The following FAT2 variants were observed in gnomAD, a reference collection of about 807,000 sequenced individuals.
FAT2 encodes the protein FAT atypical cadherin 2.
A neutral mutation model predicts 295.3 loss-of-function variants in FAT2; 150 were observed. That is an observed-to-expected ratio of 0.51 (90% CI 0.44 to 0.58). The LOEUF is 0.58. Among genes scored for constraint, FAT2 ranks in the 20% least tolerant of loss-of-function variants. The probability of loss-of-function intolerance (pLI) is 0.00; values close to 1 mark genes in which losing one functional copy is unlikely to be tolerated. For missense variants in FAT2, 4,868 were observed against 5,442.7 expected (o/e 0.89, Z 3.32); for synonymous variants, 2,026 against 2,150.3 (o/e 0.94, Z 1.60).
At chr5:151,547,867 G>A (rs1756799363) in intron 9 of FAT2, among the ~76,000 whole-genome samples, 1 of 152,124 alleles carries the variant, frequency 6.6e-6, no homozygotes, top group Admixed American at 6.5e-5. Context: ...TTCTTTTGGG[G>A]TGATGAAAAT....
Position 151,566,264 on chromosome 5 carries a change from T to C in FAT2, c.2668A>G (p.Ile890Val), listed in dbSNP as rs377700581. ...HLDRESEPRY[I>V]LKVEARDQPS... ...TGATCCCTGGCCTCCACCTTGAGTA[T>C]GTACCGAGGCTCTGATTCGCGGTCC... The change falls in exon 2 of 24, where the codon ATA becomes GTA. Residue 890 changes from isoleucine to valine, a missense_variant. Ile to Val is a conservative substitution (Grantham distance 29). This residue lies in a region of FAT2 where 3,297 missense variants were observed against 3,669.4 expected (regional missense o/e 0.90). Transcript: ENST00000261800. 1 of 1,614,178 alleles carries C rather than the reference T, an allele frequency of 6.2e-7. No individual in the cohort carries two copies. The highest frequency in any genetic ancestry group is 1.7e-5 in the Admixed American group (1 of 60,032).
chr5:151,545,457 C>G lies in FAT2; in HGVS notation c.5670G>C (p.Glu1890Asp). The G allele has an allele frequency of 1.2e-6, 2 of 1,614,180 alleles. No individual in the cohort carries two copies. The highest frequency in any genetic ancestry group is 1.7e-6 in the Non-Finnish European group (2 of 1,180,038). Residue 1890 changes from glutamate (E) to aspartate (D), a missense_variant, in exon 10 of 24, where the codon GAG becomes GAC. By Grantham distance (45) the Glu-to-Asp change is conservative. Transcript: ENST00000261800. ...CATCGCTGGCCCGCACCATGAGAAG[C>G]TCCATGCCTGGATGGATAGGCCCGA... ...AIVGPIHPGM[E>D]LLMVRASDED...
chr5:151,579,276 A>T (rs1036485563), intron 1 of FAT2, among the ~76,000 whole-genome samples: 1 of 152,236 alleles, frequency 6.6e-6, no homozygotes, highest in Admixed American at 6.5e-5. Context: ...ATCACAAAAA[A>T]ATAAGCATGT....
intron 3 of FAT2, among the ~76,000 whole-genome samples, chr5:151,562,001 A>C (rs1360727122): frequency 2.6e-5 from 4 of 152,204 alleles, no homozygotes; most frequent in Admixed American, 6.5e-5. Flanking sequence ...CTGAAGAGGG[A>C]GGGACAGGGA....
rs1455821428 is a variant in FAT2 at position 151,534,741 on chromosome 5, A to C, written c.9194-99T>G. The C allele has an allele frequency of 2.9e-6, 3 of 1,021,890 alleles. No individual in the cohort carries two copies. In the African/African-American group the frequency reaches 4.8e-5, roughly 16 times the overall value. 63.3% of individuals were successfully genotyped at this position (1,021,890 alleles called of 1,614,324 possible). A position where few individuals can be genotyped will look rare whatever the true frequency, so the allele number is the denominator to read the frequency against. ...ACAGGAGACAAACCCAGCCACACAGAGTTTTGTTCACAGCAAGGAGGGGTC... is the reference window on the plus strand; with the variant it reads ...ACAGGAGACAAACCCAGCCACACAGCGTTTTGTTCACAGCAAGGAGGGGTC... On this transcript the variant is annotated intron_variant, in intron 12 of 23. Coordinates refer to ENST00000261800, the MANE Select transcript of FAT2 (RefSeq NM_001447.3).
At chr5:151,574,418 T>A (rs1345790041) in intron 1 of FAT2, among the ~76,000 whole-genome samples, 1 of 152,200 alleles carries the variant, frequency 6.6e-6, no homozygotes, top group East Asian at 1.9e-4. Flanking sequence ...ATTCTGTTTA[T>A]GAAAAACCTT....
At chr5:151,574,583 T>G (rs1023787162) in intron 1 of FAT2, among the ~76,000 whole-genome samples, 5 of 152,218 alleles carry the variant, frequency 3.3e-5, no homozygotes, top group African/African-American at 9.6e-5. Flanking sequence ...TGATGGTTTT[T>G]GAGAAGAAGC....
chr5:151,571,070 G>A (rs912547356), intron 1 of FAT2, among the ~76,000 whole-genome samples: 1 of 152,118 alleles, frequency 6.6e-6, no homozygotes, highest in Non-Finnish European at 1.5e-5. Context: ...GGGCAGGAAG[G>A]TGGCAGATTC....
intron 2 of FAT2, among the ~76,000 whole-genome samples, chr5:151,564,226 A>T (rs1758148927): frequency 6.6e-6 from 1 of 152,228 alleles, no homozygotes; most frequent in South Asian, 2.1e-4. Context: ...CTTACACCTG[A>T]AGTTCTCATG....
upstream of FAT2, among the ~76,000 whole-genome samples, chr5:151,591,843 G>T (rs964206260): frequency 6.6e-6 from 1 of 152,144 alleles, no homozygotes; most frequent in African/African-American, 2.4e-5. Flanking sequence ...TACCTCATAA[G>T]GTTGTTATGA....
rs61743237 is a variant in FAT2, at chr5:151,550,631, C to T, written c.4537G>A (p.Asp1513Asn). 1.9e-3 allele frequency: 2,987 copies of T among 1,614,142 alleles called. 42 individuals are homozygous for T. The African/African-American group carries it at 0.035, about 19-fold the overall frequency. ...SGVLVTVGKL[D>N]LGSGPSQHTL... is the part of the protein sequence containing the mutation. Reference sequence around the variant, plus strand: ...TGCTGGGAGGGCCCCGAGCCGAGGTCCAATTTTCCCACCGTTACCAGGACA... The same window carrying T: ...TGCTGGGAGGGCCCCGAGCCGAGGTTCAATTTTCCCACCGTTACCAGGACA... Residue 1513 changes from aspartate to asparagine, a missense_variant, in exon 8 of 24, where the codon GAC becomes AAC. By Grantham distance (23) the Asp-to-Asn change is conservative. Around this residue, in one of 5 missense-constraint regions of FAT2, gnomAD observed 3,297 missense variants for 3,669.4 expected, o/e 0.90. Transcript: ENST00000261800.
rs1304207132 is a variant in FAT2, at chr5:151,507,338, G to A, written c.12333C>T (p.Cys4111=). Residue 4111 remains cysteine (C), a synonymous_variant, in exon 23 of 24, where the codon TGC becomes TGT. Coordinates refer to ENST00000261800, the MANE Select transcript of FAT2 (RefSeq NM_001447.3). ...IELNPLSASS[C]NNLNQPEPSK... Reference sequence around the variant, plus strand: ...TGGGTTCCGGTTGGTTGAGGTTGTTGCAGGAGCTGGCACTCAATGGGTTGA... The same window carrying A: ...TGGGTTCCGGTTGGTTGAGGTTGTTACAGGAGCTGGCACTCAATGGGTTGA... The A allele has an allele frequency of 1.9e-6, 3 of 1,614,176 alleles. No homozygotes were observed. Among genetic ancestry groups the A allele is most frequent in the Admixed American group, 1.7e-5 (1 of 60,028 alleles).
intron 11 of FAT2, among the ~76,000 whole-genome samples, chr5:151,540,179 G>T (rs1325589242): frequency 6.6e-6 from 1 of 152,242 alleles, no homozygotes; most frequent in Non-Finnish European, 1.5e-5. Context: ...TGTAGGGGGA[G>T]AGATGTGGGC....
At chr5:151,522,503 C>A (rs1157573692) in intron 18 of FAT2, among the ~76,000 whole-genome samples, 2 of 152,198 alleles carry the variant, frequency 1.3e-5, no homozygotes, top group Non-Finnish European at 2.9e-5. Context: ...TACGAAAATT[C>A]CCCTTGGGAT....
Position 151,507,320 on chromosome 5 carries a change from C to T in FAT2, c.12351G>A (p.Pro4117=), listed in dbSNP as rs904759464. The change falls in exon 23 of 24, where the codon CCG becomes CCA. Residue 4117 remains proline (P), a synonymous_variant. Transcript: ENST00000261800. The part of the protein sequence containing the change: ...SASSCNNLNQ[P]EPSKASVPNE... ...TTGGAACAGAGGCCTTGCTGGGTTC[C>T]GGTTGGTTGAGGTTGTTGCAGGAGC... The T allele has an allele frequency of 2.0e-5, 32 of 1,614,046 alleles. No homozygotes were observed. Among genetic ancestry groups the T allele is most frequent in the Non-Finnish European group, 2.3e-5 (27 of 1,180,038 alleles).
In FAT2 at chr5:151,521,887, G is replaced by A. The variant is rs2127580257; in HGVS notation, c.10706C>T (p.Ala3569Val). 3.7e-6 allele frequency: 6 copies of A among 1,614,084 alleles called. No homozygotes were observed. Among genetic ancestry groups the A allele is most frequent in the Non-Finnish European group, 5.1e-6 (6 of 1,179,942 alleles). ...GTGCCTGCCCAGGGTCTCCTCTTCT[G>A]CCAGGCTATAGGTCAGCGTGTCCTG... ...DPQDTLTYSL[A>V]EEETLGRHFS... The change falls in exon 19 of 24, where the codon GCA becomes GTA. Residue 3569 changes from alanine to valine, a missense_variant. Ala to Val is a moderately conservative substitution (Grantham distance 64, BLOSUM62 0). This residue lies in a region of FAT2 where 1,046 missense variants were observed against 1,210.1 expected (regional missense o/e 0.86). Coordinates refer to ENST00000261800, the MANE Select transcript of FAT2 (RefSeq NM_001447.3).
chr5:151,505,960 G>A lies in FAT2; in HGVS notation c.12655C>T (p.Pro4219Ser), dbSNP rs944074256. 1 of 1,574,016 alleles carries A rather than the reference G, an allele frequency of 6.4e-7. No homozygotes were observed. Among genetic ancestry groups the A allele is most frequent in the Admixed American group, 2.0e-5 (1 of 50,380 alleles). The change falls in exon 24 of 24, where the codon CCT becomes TCT. Residue 4219 changes from proline to serine, a missense_variant. Pro to Ser is a moderately conservative substitution (Grantham distance 74). This residue lies in a region of FAT2 where 492 missense variants were observed against 482.6 expected (regional missense o/e 1.02). Coordinates refer to ENST00000261800, the MANE Select transcript of FAT2 (RefSeq NM_001447.3). ...RHSTPVVMPE[P>S]NGLYGGFPFP... ...GGGAAGCCCCCATAGAGGCCATTAG[G>A]CTCTGGCATCACGACTGGGGTTGAG...
At position 151,556,337 on chromosome 5, in the gene FAT2, T is replaced by G; in HGVS notation, c.3633+7A>C. The G allele has an allele frequency of 6.2e-7, 1 of 1,613,092 alleles. No homozygotes were observed. The highest frequency in any genetic ancestry group is 1.1e-5 in the South Asian group (1 of 91,060). On this transcript the variant is annotated splice_region_variant and intron_variant, in intron 4 of 23. Coordinates refer to ENST00000261800, the MANE Select transcript of FAT2 (RefSeq NM_001447.3). ...TCACCACAAATGGATTCACCACCAT[T>G]ACTTACCTCCAGGATGTGTTCATCC...
At chr5:151,548,321 T>C (rs915144645) in intron 9 of FAT2, among the ~76,000 whole-genome samples, 1 of 151,604 alleles carries the variant, frequency 6.6e-6, no homozygotes, top group Non-Finnish European at 1.5e-5. Context: ...CTATTAAATA[T>C]CATTAATTAT....
Sources: allele counts gnomAD v4.1 joint callset (sites outside exome capture counted in the v4.1 genomes callset), GRCh38; gene constraint gnomAD v4.1.1; regional missense constraint gnomAD v4.1.1; transcripts MANE v1.5; gene names NCBI Gene and HGNC (gene_info 2026-07-23, HGNC 2026-07-21).